Variants in HNRNPL observed in about 807,000 individuals in gnomAD.
The protein encoded by HNRNPL is epididymis secretory sperm binding protein.
Under a neutral mutation model 64.0 loss-of-function variants are expected in HNRNPL, and 12 were observed. The observed-to-expected ratio is 0.19, with a 90% CI of 0.12 to 0.30. The LOEUF (loss-of-function observed/expected upper bound fraction) is 0.30. HNRNPL is among the 10% of genes least tolerant of loss of function. HNRNPL has a pLI of 1.00. For synonymous variants in HNRNPL, 385 were observed against 313.0 expected, an observed-to-expected ratio of 1.23 and a Z score of -2.43; for missense variants, 484 against 797.4, an observed-to-expected ratio of 0.61 and a Z score of 4.73.
intron 3 of HNRNPL, 39 bp downstream of exon 3, chr19:38,845,814 G>A (rs1239549440): frequency 1.9e-6 from 3 of 1,599,210 alleles, no homozygotes; most frequent in Non-Finnish European, 2.6e-6. Flanking sequence ...GGGGAGAAAA[G>A]GAAGGGAGAC....
In HNRNPL at chr19:38,844,122, A is replaced by G; in HGVS notation, c.711-18T>C. ...AGTCAAATGTGAGTCAAGTTAAGGA[A>G]AGTCCCATCACAGGAGATCTTTGAG... On this transcript the variant is annotated intron_variant, in intron 4 of 12. Coordinates refer to ENST00000221419, the MANE Select transcript of HNRNPL (RefSeq NM_001533.3). 2 of 1,548,286 alleles carry G rather than the reference A, an allele frequency of 1.3e-6. No homozygotes were observed. The highest frequency in any genetic ancestry group is 4.5e-5 in the East Asian group (2 of 44,540).
upstream of HNRNPL, chr19:38,850,027 C>T: frequency 7.8e-7 from 1 of 1,284,322 alleles, no homozygotes; most frequent in South Asian, 1.9e-5. Context: ...CCGTCACCCG[C>T]CGCCCCCACC....
At chr19:38,838,010 C>A (rs929851061) in intron 10 of HNRNPL, among the ~76,000 whole-genome samples, 1 of 152,264 alleles carries the variant, frequency 6.6e-6, no homozygotes, top group Non-Finnish European at 1.5e-5. Context: ...TTCCCCCTGA[C>A]TGAGCTTTAC....
Position 38,849,860 on chromosome 19 carries a change from G to A in HNRNPL, c.107C>T (p.Ala36Val). The part of the protein sequence containing the change: ...RRRSGAMVKM[A>V]AAGGGGGGGR... Reference sequence around the variant, plus strand: ...ACCGCCGCCTCCGCCGCCCGCCGCCGCCATCTTCACCATCGCTCCCGACCG... The same window carrying A: ...ACCGCCGCCTCCGCCGCCCGCCGCCACCATCTTCACCATCGCTCCCGACCG... Residue 36 changes from alanine (A) to valine (V), a missense_variant, in exon 1 of 13, where the codon GCG (alanine) becomes GTG (valine). Physicochemically the swap from Ala to Val is moderately conservative, Grantham distance 64. Coordinates refer to ENST00000221419, the MANE Select transcript of HNRNPL (RefSeq NM_001533.3). 2.5e-6 allele frequency: 3 copies of A among 1,216,562 alleles called. No homozygotes were observed. Among genetic ancestry groups the A allele is most frequent in the East Asian group, 2.7e-5 (1 of 36,564 alleles). The allele number at this position is 1,216,562 out of a possible 1,614,324, so 75.4% of individuals were successfully genotyped here.
At position 38,840,834 on chromosome 19, in the gene HNRNPL, C is replaced by T. The variant is rs1972092937; in HGVS notation, c.881-275G>A. 19 of 470,382 alleles carry T rather than the reference C, an allele frequency of 4.0e-5. No individual in the cohort carries two copies. The South Asian group carries it at 4.7e-4, about 12-fold the overall frequency. The allele number at this position is 470,382 out of a possible 1,614,324, so 29.1% of individuals were successfully genotyped here. A position where few individuals can be genotyped will look rare whatever the true frequency, so the allele number is the denominator to read the frequency against. ...GATTCTGTGCTCTCACCTACCCTGG[C>T]CCTGGGAGAAAGCCCAGCTCCCAGG... On this transcript the variant is annotated intron_variant, in intron 6 of 12. Transcript: ENST00000221419.
intron 12 of HNRNPL, 108 bp downstream of exon 12, chr19:38,837,276 C>CGAA (rs1971960438): frequency 8.4e-6 from 7 of 833,986 alleles, no homozygotes; most frequent in African/African-American, 3.3e-5. Context: ...ACCAACAGTG[C>CGAA]GAAGATCCCG....
intron 8 of HNRNPL, 28 bp downstream of exon 8, chr19:38,840,068 G>T: frequency 6.2e-7 from 1 of 1,611,574 alleles, no homozygotes; most frequent in East Asian, 2.2e-5. Context: ...GCTCAGCGAG[G>T]AACCCAGGGG....
At chr19:38,840,053 A>G in intron 8 of HNRNPL, 43 bp downstream of exon 8, 3 of 1,600,136 alleles carry the variant, frequency 1.9e-6, no homozygotes, top group Non-Finnish European at 1.7e-6. Context: ...CTGGCAAGAT[A>G]CGAGGCTCAG....
rs35433653 is a variant in HNRNPL, at chr19:38,836,598, TAAAAAA to T, written c.*118_*123del. 567 of 136,332 alleles carry T rather than the reference TAAAAAA, an allele frequency of 4.2e-3. No individual in the cohort carries two copies. Among genetic ancestry groups the T allele is most frequent in the Middle Eastern group, 8.7e-3 (3 of 344 alleles). The allele number at this position is 136,332 out of a possible 1,614,324, so 8.4% of individuals were successfully genotyped here. ...AGTAAGCCTCTACAAACCTAGCATT[TAAAAAA>T]AAAAAAAAAAAAAAAAAAAAGGAAT... On this transcript the variant is annotated 3_prime_UTR_variant, in exon 13 of 13. Transcript: ENST00000221419.
chr19:38,837,556 A>G, intron 11 of HNRNPL, 38 bp downstream of exon 11: 1 of 1,610,654 alleles, frequency 6.2e-7, no homozygotes, highest in Non-Finnish European at 8.5e-7. Context: ...ACCAACCACC[A>G]TGCAATTAGG....
At position 38,849,985 on chromosome 19, in the gene HNRNPL, TC is replaced by T. The variant is rs1341594016; in HGVS notation, c.-20del. The T allele has an allele frequency of 1.5e-5, 19 of 1,303,986 alleles. No homozygotes were observed. The highest frequency in any genetic ancestry group is 1.3e-4 in the African/African-American group (8 of 63,252). The allele number at this position is 1,303,986 out of a possible 1,614,324, so 80.8% of individuals were successfully genotyped here. A position where few individuals can be genotyped will look rare whatever the true frequency, so the allele number is the denominator to read the frequency against. ...GCGACATGGCGGCGCAGAACCCGCCTCCCCCCGCCTCTCATTGGGGGAGGGA... is the reference window on the plus strand; with the variant it reads ...GCGACATGGCGGCGCAGAACCCGCCTCCCCCGCCTCTCATTGGGGGAGGGA... On this transcript the variant is annotated 5_prime_UTR_variant, in exon 1 of 13. Coordinates refer to ENST00000221419, the MANE Select transcript of HNRNPL (RefSeq NM_001533.3).
intron 2 of HNRNPL, among the ~76,000 whole-genome samples, chr19:38,846,347 T>C (rs1972294918): frequency 6.6e-6 from 1 of 152,234 alleles, no homozygotes; most frequent in Non-Finnish European, 1.5e-5. Flanking sequence ...AGACGGCTTC[T>C]TGAGCTTACA....
chr19:38,849,656 C>G (rs747049921), intron 1 of HNRNPL, 44 bp downstream of exon 1: 1 of 1,303,168 alleles, frequency 7.7e-7, no homozygotes, highest in South Asian at 2.4e-5. Flanking sequence ...GGGAAATTGT[C>G]CCCCAGTTCC....
upstream of HNRNPL, among the ~76,000 whole-genome samples, chr19:38,850,876 T>C (rs1972486687): frequency 1.3e-5 from 2 of 152,188 alleles, no homozygotes; most frequent in South Asian, 4.1e-4. Context: ...TCAGTTTCCC[T>C]TGGGAGAAGG....
chr19:38,839,040 C>A, intron 8 of HNRNPL, 25 bp from the exon 9 acceptor site: 1 of 1,611,886 alleles, frequency 6.2e-7, no homozygotes, highest in South Asian at 1.1e-5. Flanking sequence ...CTGCAGTCAG[C>A]ACCTCTGTCC....
chr19:38,845,416 T>G (rs1228674023), intron 4 of HNRNPL: 1 of 510,600 alleles, frequency 2.0e-6, no homozygotes, highest in Non-Finnish European at 3.5e-6. Context: ...AAAAGAAAAA[T>G]AAATTCCTTT....
intron 2 of HNRNPL, among the ~76,000 whole-genome samples, chr19:38,846,685 G>A (rs1340141588): frequency 1.3e-5 from 2 of 152,142 alleles, no homozygotes; most frequent in East Asian, 1.9e-4. Flanking sequence ...GAGGCGGGCA[G>A]ATCACGAGGT....
At chr19:38,845,826 T>C (rs1374319260) in intron 3 of HNRNPL, 27 bp downstream of exon 3, 23 of 1,605,046 alleles carry the variant, frequency 1.4e-5, no homozygotes, top group Non-Finnish European at 1.8e-5. Flanking sequence ...AAGGGAGACC[T>C]CACAAGAAAT....
intron 12 of HNRNPL, 141 bp downstream of exon 12, chr19:38,837,243 A>G: frequency 1.5e-6 from 1 of 670,004 alleles, no homozygotes; most frequent in Non-Finnish European, 2.7e-6. Context: ...TCTCCTGATG[A>G]GCAGGTCCCA....
Sources: gnomAD v4.1 joint callset for allele counts (sites outside exome capture counted in the v4.1 genomes callset) on GRCh38, gnomAD v4.1.1 for gene constraint, MANE v1.5 for transcripts, NCBI Gene and HGNC (gene_info 2026-07-23, HGNC 2026-07-21) for gene names.